MARCHF1: variants seen among roughly 807,000 people sequenced by gnomAD.
MARCHF1 encodes the protein E3 ubiquitin-protein ligase MARCHF1.
In MARCHF1, 40 loss-of-function variants were observed where a neutral mutation model predicts 54.2. The observed-to-expected ratio is 0.74, with a 90% CI of 0.57 to 0.96. The LOEUF (loss-of-function observed/expected upper bound fraction) is 0.96. Ranked by LOEUF, MARCHF1 falls within the 40% of genes least tolerant of loss-of-function variation. MARCHF1 has a pLI of 0.00. For missense variants in MARCHF1, 586 were observed against 656.5 expected, an observed-to-expected ratio of 0.89 and a Z score of 1.17; for synonymous variants, 236 against 236.3, an observed-to-expected ratio of 1.00 and a Z score of 0.01.
chr4:163,880,480 C>A (rs990887751), intron 3 of MARCHF1, among the ~76,000 whole-genome samples: 24 of 150,784 alleles, frequency 1.6e-4, no homozygotes, highest in Admixed American at 1.3e-3. Context: ...TAATAGATTT[C>A]AATTCTCTAT....
At chr4:164,083,719 G>A (rs1451828857) in intron 2 of MARCHF1, among the ~76,000 whole-genome samples, 1 of 152,052 alleles carries the variant, frequency 6.6e-6, no homozygotes, top group Non-Finnish European at 1.5e-5. Context: ...TGTGATCTCA[G>A]TGCTGAATTC....
intron 3 of MARCHF1, among the ~76,000 whole-genome samples, chr4:163,983,630 G>T (rs565479064): frequency 1.3e-5 from 2 of 152,256 alleles, no homozygotes; most frequent in South Asian, 4.1e-4. Flanking sequence ...CCTGGTAATA[G>T]AAAGAGCAGT....
intron 9 of MARCHF1, among the ~76,000 whole-genome samples, chr4:163,536,557 TTGTC>T (rs1340857661): frequency 1.3e-5 from 2 of 152,154 alleles, no homozygotes; most frequent in African/African-American, 4.8e-5. Context: ...AGCACAGAAT[TTGTC>T]TGGGCTGGAC....
intron 1 of MARCHF1, among the ~76,000 whole-genome samples, chr4:164,375,739 C>T (rs1359909015): frequency 6.6e-6 from 1 of 152,086 alleles, no homozygotes; most frequent in East Asian, 1.9e-4. Flanking sequence ...TGTGACAGTC[C>T]CTTATGTTTA....
At chr4:163,558,815 C>T (rs10029699) in intron 8 of MARCHF1, among the ~76,000 whole-genome samples, 26,506 of 152,092 alleles carry the variant, frequency 0.17, 3,759 homozygotes, top group African/African-American at 0.39. Context: ...TTGTGGCCCC[C>T]ACAATCCAGA....
chr4:163,829,989 A>G (rs1579320626), intron 4 of MARCHF1, among the ~76,000 whole-genome samples: 1 of 152,208 alleles, frequency 6.6e-6, no homozygotes, highest in Admixed American at 6.5e-5. Context: ...TAGTTTCTAA[A>G]ACGTATTGTG....
intron 1 of MARCHF1, among the ~76,000 whole-genome samples, chr4:164,360,518 G>C (rs1296189243): frequency 6.6e-6 from 1 of 152,176 alleles, no homozygotes; most frequent in African/African-American, 2.4e-5. Flanking sequence ...ACAGGAATAT[G>C]TTTTATTCCA....
At chr4:164,148,925 T>C (rs770548962) in intron 1 of MARCHF1, among the ~76,000 whole-genome samples, 6 of 152,166 alleles carry the variant, frequency 3.9e-5, no homozygotes, top group Non-Finnish European at 1.5e-5. Flanking sequence ...TTGGATGCTC[T>C]GTCCCCTCCA....
intron 4 of MARCHF1, among the ~76,000 whole-genome samples, chr4:163,733,205 A>ACACATG (rs775632717): frequency 6.0e-5 from 2 of 33,232 alleles, no homozygotes; most frequent in South Asian, 1.7e-3. Flanking sequence ...ATATATATAT[A>ACACATG]TATATATATA....
chr4:164,365,377 G>C lies in MARCHF1; in HGVS notation c.-323+18493C>G, dbSNP rs4422381. On this transcript the variant is annotated intron_variant, in intron 1 of 9. Transcript: ENST00000514618. ...CATTAACAAGACTTTGCTTTCTTAA[G>C]TAGAAATTGATATGTGTTGGCTAGA... 7.9e-5 allele frequency among the ~76,000 whole-genome samples: 12 copies of C among 151,756 alleles called. No individual in the cohort carries two copies. In the South Asian group the frequency reaches 1.5e-3, roughly 18 times the overall value.
At chr4:163,945,751 C>T (rs888498884) in intron 3 of MARCHF1, among the ~76,000 whole-genome samples, 1 of 152,110 alleles carries the variant, frequency 6.6e-6, no homozygotes, top group Non-Finnish European at 1.5e-5. Context: ...ATGGGATACA[C>T]TCAGAGGTTT....
At chr4:164,049,141 GAGA>G (rs1754301583) in intron 2 of MARCHF1, among the ~76,000 whole-genome samples, 1 of 152,218 alleles carries the variant, frequency 6.6e-6, no homozygotes, top group Non-Finnish European at 1.5e-5. Flanking sequence ...CTGCGTGGCT[GAGA>G]AGACCTCAGG....
intron 4 of MARCHF1, among the ~76,000 whole-genome samples, chr4:163,789,181 C>T (rs765410957): frequency 6.6e-6 from 1 of 151,786 alleles, no homozygotes; most frequent in Admixed American, 6.6e-5. Flanking sequence ...TGTTATAAAT[C>T]GTTTTATTTT....
At chr4:163,716,808 CTA>C (rs1296885838) in intron 4 of MARCHF1, among the ~76,000 whole-genome samples, 2 of 152,134 alleles carry the variant, frequency 1.3e-5, no homozygotes, top group African/African-American at 2.4e-5. Context: ...GTTCCACAAA[CTA>C]TTACAAATCC....
At chr4:163,821,640 G>C (rs556592005) in intron 4 of MARCHF1, among the ~76,000 whole-genome samples, 1 of 151,808 alleles carries the variant, frequency 6.6e-6, no homozygotes, top group Non-Finnish European at 1.5e-5. Flanking sequence ...TAGTTTTTAG[G>C]TTCTAATTTT....
chr4:164,159,123 G>T (rs1730160952), intron 1 of MARCHF1, among the ~76,000 whole-genome samples: 1 of 152,120 alleles, frequency 6.6e-6, no homozygotes, highest in South Asian at 2.1e-4. Context: ...ATCTCTTCAA[G>T]TTTGTTTGCT....
chr4:163,694,177 G>A (rs901535784), intron 5 of MARCHF1, among the ~76,000 whole-genome samples: 1 of 152,160 alleles, frequency 6.6e-6, no homozygotes, highest in African/African-American at 2.4e-5. Context: ...AGGATGAAAT[G>A]AGTTCATGTG....
intron 1 of MARCHF1, among the ~76,000 whole-genome samples, chr4:164,244,325 A>G (rs1732872647): frequency 6.6e-6 from 1 of 152,192 alleles, no homozygotes; most frequent in African/African-American, 2.4e-5. Flanking sequence ...GCGCAACTAC[A>G]TGGAAACTGA....
At chr4:163,866,559 A>G (rs946898729) in intron 3 of MARCHF1, among the ~76,000 whole-genome samples, 1 of 148,078 alleles carries the variant, frequency 6.8e-6, no homozygotes, top group African/African-American at 2.4e-5. Context: ...CAATTATACA[A>G]AAGTAGGTAA....
Sources: allele counts gnomAD v4.1 joint callset (sites outside exome capture counted in the v4.1 genomes callset), GRCh38; gene constraint gnomAD v4.1.1; transcripts MANE v1.5; gene names NCBI Gene and HGNC (gene_info 2026-07-23, HGNC 2026-07-21).